POU2F1: variants seen among roughly 807,000 people sequenced by gnomAD.
POU2F1 encodes POU class 2 homeobox 1.
POU2F1 carries 16 observed loss-of-function variants against 84.9 expected under a neutral mutation model. That is an observed-to-expected ratio of 0.19 (90% CI 0.13 to 0.29). The LOEUF is 0.29. Among genes scored for constraint, POU2F1 ranks in the 10% least tolerant of loss-of-function variants. The pLI, the probability that POU2F1 is intolerant of heterozygous loss-of-function variation, is 1.00. For missense variants in POU2F1, 738 were observed against 942.6 expected, an observed-to-expected ratio of 0.78 and a Z score of 2.84; for synonymous variants, 368 against 368.3, an observed-to-expected ratio of 1.00 and a Z score of 0.01.
chr1:167,356,399 A>G (rs1658939777), intron 2 of POU2F1, among the ~76,000 whole-genome samples: 1 of 151,992 alleles, frequency 6.6e-6, no homozygotes, highest in South Asian at 2.1e-4. Context: ...TTCTGTACAC[A>G]CAAATCACCT....
intron 1 of POU2F1, among the ~76,000 whole-genome samples, chr1:167,279,122 A>G (rs1652942006): frequency 6.6e-6 from 1 of 152,238 alleles, no homozygotes. Context: ...TACGCCTGAT[A>G]ATGTTAAATG....
chr1:167,395,124 A>G (rs776513223), intron 9 of POU2F1, among the ~76,000 whole-genome samples: 6 of 152,248 alleles, frequency 3.9e-5, no homozygotes, highest in Non-Finnish European at 5.9e-5. Context: ...TTTCCTGTAT[A>G]TAAAGCAACT....
intron 1 of POU2F1, among the ~76,000 whole-genome samples, chr1:167,308,616 C>G (rs1010364810): frequency 2.0e-5 from 3 of 152,140 alleles, no homozygotes; most frequent in Non-Finnish European, 4.4e-5. Context: ...GCTTCAAACT[C>G]CTAGGCTTAA....
At chr1:167,221,224 G>C (rs2102310139) in intron 1 of POU2F1, among the ~76,000 whole-genome samples, 1 of 151,444 alleles carries the variant, frequency 6.6e-6, no homozygotes, top group East Asian at 2.0e-4. Flanking sequence ...CCCCGCCGCC[G>C]CTCGCCGTCT....
chr1:167,353,628 C>T (rs1269208780), intron 2 of POU2F1, among the ~76,000 whole-genome samples: 1 of 152,214 alleles, frequency 6.6e-6, no homozygotes, highest in Non-Finnish European at 1.5e-5. Flanking sequence ...ACGATCATCA[C>T]TCACCACCTT....
intron 2 of POU2F1, among the ~76,000 whole-genome samples, chr1:167,348,532 A>G (rs367645095): frequency 1.3e-5 from 2 of 152,186 alleles, no homozygotes; most frequent in South Asian, 4.1e-4. Context: ...AGCCATTTTA[A>G]TGGGATTAAA....
At chr1:167,320,993 C>T (rs1656273708) in intron 1 of POU2F1, among the ~76,000 whole-genome samples, 1 of 152,166 alleles carries the variant, frequency 6.6e-6, no homozygotes, top group Admixed American at 6.5e-5. Context: ...TGTATGGTTA[C>T]TTTCTGTGGC....
At chr1:167,248,928 T>C (rs962571403) in intron 1 of POU2F1, among the ~76,000 whole-genome samples, 16 of 152,202 alleles carry the variant, frequency 1.1e-4, no homozygotes, top group African/African-American at 3.4e-4. Context: ...GAAAATAACT[T>C]GTCTAGGATC....
chr1:167,265,422 A>C (rs1483043221), intron 1 of POU2F1, among the ~76,000 whole-genome samples: 1 of 152,204 alleles, frequency 6.6e-6, no homozygotes, highest in Non-Finnish European at 1.5e-5. Flanking sequence ...TAGTAATTTA[A>C]GTTAGTAATT....
chr1:167,380,080 A>G (rs911468218), intron 7 of POU2F1: 10 of 152,234 alleles, frequency 6.6e-5, no homozygotes, highest in Non-Finnish European at 1.0e-4. Context: ...GAATTACAAA[A>G]AAAGTTTTAC....
At chr1:167,371,879 C>G (rs759613444) in intron 4 of POU2F1, 38 bp from the exon 5 acceptor site, 7 of 1,612,326 alleles carry the variant, frequency 4.3e-6, no homozygotes, top group Admixed American at 1.7e-5. Flanking sequence ...TTTAATCAAC[C>G]ATTTGCAATC....
chr1:167,416,073 T>G lies in POU2F1; in HGVS notation c.*263T>G. The G allele has an allele frequency of 1.7e-6, 1 of 580,602 alleles. No individual in the cohort carries two copies. The highest frequency in any genetic ancestry group is 1.8e-5 in the South Asian group (1 of 54,810). 36.0% of individuals were successfully genotyped at this position (580,602 alleles called of 1,614,324 possible). ...GGATTGCTTCATGGATTGGAGAACT[T>G]TCTAACCAAAAATTAAAAAAAAAAA... On this transcript the variant is annotated 3_prime_UTR_variant, in exon 16 of 16. Transcript: ENST00000367866.
In POU2F1 at chr1:167,313,253, C is replaced by T. The variant is rs918776471; in HGVS notation, c.62-19217C>T. On this transcript the variant is annotated intron_variant, in intron 1 of 15. Transcript: ENST00000367866. Reference sequence around the variant, plus strand: ...ATAACATAGGAAACATCAGTTCTCCCCAAATTGATATACAGGTTTAATGCA... The same window carrying T: ...ATAACATAGGAAACATCAGTTCTCCTCAAATTGATATACAGGTTTAATGCA... 6.6e-5 allele frequency among the ~76,000 whole-genome samples: 10 copies of T among 152,056 alleles called. No homozygotes were observed. In the East Asian group the frequency reaches 1.9e-3, roughly 29 times the overall value.
intron 1 of POU2F1, among the ~76,000 whole-genome samples, chr1:167,263,517 C>CA (rs796271018): frequency 0.014 from 1,862 of 129,820 alleles, 17 homozygotes; most frequent in Middle Eastern, 0.046. Flanking sequence ...AACTCCGACT[C>CA]AAAAAAAAAA....
chr1:167,353,479 A>G (rs1049387817), intron 2 of POU2F1, among the ~76,000 whole-genome samples: 5 of 151,552 alleles, frequency 3.3e-5, no homozygotes, highest in African/African-American at 1.2e-4. Flanking sequence ...TTACCTTTTC[A>G]GCATATCCCT....
At chr1:167,237,888 T>G (rs573664164) in intron 1 of POU2F1, among the ~76,000 whole-genome samples, 158 of 147,850 alleles carry the variant, frequency 1.1e-3, no homozygotes, top group African/African-American at 3.4e-3. Context: ...CAAGCGATTC[T>G]CCTGCTTCAG....
chr1:167,402,564 CTT>C (rs1241553985), intron 13 of POU2F1, among the ~76,000 whole-genome samples: 4 of 152,158 alleles, frequency 2.6e-5, no homozygotes, highest in African/African-American at 9.7e-5. Flanking sequence ...AAGCTACAGA[CTT>C]TTCCTCACAC....
chr1:167,315,892 G>A (rs753827800), intron 1 of POU2F1, among the ~76,000 whole-genome samples: 3 of 151,618 alleles, frequency 2.0e-5, no homozygotes, highest in Admixed American at 6.6e-5. Context: ...ACGAGAAAAA[G>A]GAATAACTAT....
At chr1:167,329,264 G>T (rs1656918209) in intron 1 of POU2F1, 1 of 1,547,714 alleles carries the variant, frequency 6.5e-7, no homozygotes, top group Non-Finnish European at 8.7e-7. Context: ...TGCTCCTCTA[G>T]AAGATTTCAC....
Sources: allele counts gnomAD v4.1 joint callset (sites outside exome capture counted in the v4.1 genomes callset), GRCh38; gene constraint gnomAD v4.1.1; transcripts MANE v1.5; gene names NCBI Gene and HGNC (gene_info 2026-07-23, HGNC 2026-07-21).